The following KLF17 variants were observed in gnomAD, a reference collection of about 807,000 sequenced individuals.
KLF17 encodes the protein KLF transcription factor 17, also known as Krueppel-like factor 17.
In KLF17, 31 loss-of-function variants were observed where a neutral mutation model predicts 34.2. The observed-to-expected ratio is 0.91, with a 90% CI of 0.68 to 1.22. The LOEUF is 1.22. Ranked by LOEUF, KLF17 falls within the 50% of genes most tolerant of loss-of-function variation. The pLI is 0.00. For missense variants in KLF17, 478 were observed against 505.2 expected, an observed-to-expected ratio of 0.95 and a Z score of 0.52; for synonymous variants, 179 against 186.7, an observed-to-expected ratio of 0.96 and a Z score of 0.34.
chr1:44,065,659 T>C, the KLF17 span, among the ~76,000 whole-genome samples: 1 of 152,136 alleles, frequency 6.6e-6, no homozygotes, highest in Admixed American at 6.5e-5. Flanking sequence ...ATCCCCTGCC[T>C]TGGCCTCCCA....
At chr1:44,081,222 TAA>T in the KLF17 span, among the ~76,000 whole-genome samples, 35 of 107,788 alleles carry the variant, frequency 3.2e-4, no homozygotes, top group Admixed American at 4.9e-4. Context: ...CAAGATCCTG[TAA>T]AAAAAAAAAA....
chr1:44,075,524 C>T, the KLF17 span, among the ~76,000 whole-genome samples: 15 of 152,050 alleles, frequency 9.9e-5, no homozygotes, highest in East Asian at 1.9e-4. Context: ...ATTATTAGAC[C>T]GGGGTCTAAT....
At chr1:44,125,023 C>A (rs1256810760) in intron 1 of KLF17, among the ~76,000 whole-genome samples, 1 of 152,066 alleles carries the variant, frequency 6.6e-6, no homozygotes, top group Non-Finnish European at 1.5e-5. Context: ...TTTATGCATT[C>A]TTTTAAATCA....
At chr1:44,072,417 G>A in the KLF17 span, among the ~76,000 whole-genome samples, 1 of 152,156 alleles carries the variant, frequency 6.6e-6, no homozygotes. Context: ...TGGGCCAGCT[G>A]CAGTGGCTCA....
chr1:44,127,663 TTTC>T (rs2088033046), intron 1 of KLF17, among the ~76,000 whole-genome samples: 1 of 84,916 alleles, frequency 1.2e-5, no homozygotes, highest in Admixed American at 1.3e-4. Flanking sequence ...TCTTTCTTTC[TTTC>T]TTTCTTTCTT....
At chr1:44,072,035 G>T in the KLF17 span, among the ~76,000 whole-genome samples, 1 of 152,054 alleles carries the variant, frequency 6.6e-6, no homozygotes, top group Non-Finnish European at 1.5e-5. Context: ...AGTGATCATG[G>T]TGACTTGGAC....
rs1416341516 is a variant in KLF17, at chr1:44,133,363, C to T, written c.*126C>T. Reference sequence around the variant, plus strand: ...TTTTTTGAGCCTACAATACTGAGCGCAACAAGGCTGTGGAGACCCATGGTG... The same window carrying T: ...TTTTTTGAGCCTACAATACTGAGCGTAACAAGGCTGTGGAGACCCATGGTG... On this transcript the variant is annotated 3_prime_UTR_variant, in exon 4 of 4. Transcript: ENST00000372299. 6.6e-6 allele frequency: 1 copy of T among 152,192 alleles called. No individual in the cohort carries two copies. The highest frequency in any genetic ancestry group is 2.4e-5 in the African/African-American group (1 of 41,410). 9.4% of individuals were successfully genotyped at this position (152,192 alleles called of 1,614,324 possible). A position where few individuals can be genotyped will look rare whatever the true frequency, so the allele number is the denominator to read the frequency against.
chr1:44,081,936 A>G, the KLF17 span, among the ~76,000 whole-genome samples: 1 of 152,180 alleles, frequency 6.6e-6, no homozygotes, highest in African/African-American at 2.4e-5. Flanking sequence ...TTTTGTTGTT[A>G]CATCATCTAG....
upstream of KLF17, chr1:44,114,006 T>A (rs960220441): frequency 6.6e-6 from 1 of 152,230 alleles, no homozygotes; most frequent in Admixed American, 6.6e-5. Context: ...CAGGATGGAC[T>A]GTCAGGGGAG....
Position 44,120,199 on chromosome 1 carries a change from G to A in KLF17, c.81+1211G>A, listed in dbSNP as rs79228163. On this transcript the variant is annotated intron_variant, in intron 1 of 3. Transcript: ENST00000372299. The stretch of plus-strand genomic sequence containing the variant: ...GTGGGCAAAGATGCTAGTGAATTTT[G>A]GCCATAGTCCATTAGAAGAGCATGT... 1.1e-3 allele frequency among the ~76,000 whole-genome samples: 173 copies of A among 152,346 alleles called. 1 individual carries two copies. The East Asian group carries it at 0.019, about 17-fold the overall frequency.
the KLF17 span, among the ~76,000 whole-genome samples, chr1:44,047,234 G>A: frequency 4.6e-5 from 7 of 152,166 alleles, no homozygotes; most frequent in Non-Finnish European, 8.8e-5. Context: ...TTTGCAAAGG[G>A]TTGCCCATTT....
In KLF17 at chr1:44,129,375, T is replaced by A. The variant is rs11210969; in HGVS notation, c.104T>A (p.Ile35Asn). 434,760 of 1,517,764 alleles carry A rather than the reference T, an allele frequency of 0.29. 64,127 individuals are homozygous for A. Among genetic ancestry groups the A allele is most frequent in the Non-Finnish European group, 0.3 (338,755 of 1,133,522 alleles). 94.0% of individuals were successfully genotyped at this position (1,517,764 alleles called of 1,614,324 possible). A position where few individuals can be genotyped will look rare whatever the true frequency, so the allele number is the denominator to read the frequency against. ...AAGGATAACGAGAACTCAGCGCCCA[T>A]CTTGAACATGTCTTCATCTTCTGGA... ...AAQDNENSAP[I>N]LNMSSSSGSS... The change falls in exon 2 of 4, where the codon ATC becomes AAC. Residue 35 changes from isoleucine (I) to asparagine (N), a missense_variant. Coordinates refer to ENST00000372299, the MANE Select transcript of KLF17 (RefSeq NM_173484.4).
chr1:44,079,770 T>C, the KLF17 span, among the ~76,000 whole-genome samples: 9 of 152,260 alleles, frequency 5.9e-5, no homozygotes, highest in East Asian at 1.7e-3. Flanking sequence ...AGATAGCCAA[T>C]TGTCTGAGTG....
chr1:44,070,407 A>G, the KLF17 span, among the ~76,000 whole-genome samples: 1 of 152,012 alleles, frequency 6.6e-6, no homozygotes, highest in African/African-American at 2.4e-5. Context: ...CCACATGTAC[A>G]CATTATTTAG....
the KLF17 span, among the ~76,000 whole-genome samples, chr1:44,054,779 C>CTT: frequency 5.6e-3 from 540 of 97,194 alleles, 14 homozygotes; most frequent in African/African-American, 8.8e-3. Flanking sequence ...CCGTGCCCAG[C>CTT]TTTTTTTTTT....
In KLF17 at chr1:44,128,186, A is replaced by G. The variant is rs545986568; in HGVS notation, c.82-1167A>G. ...AACCTCTGGCTCCTGGACTCAAGTG[A>G]TTCTCCTGCCTCAGCCTCCCAAGTA... On this transcript the variant is annotated intron_variant, in intron 1 of 3. Coordinates refer to ENST00000372299, the MANE Select transcript of KLF17 (RefSeq NM_173484.4). Among the ~76,000 whole-genome samples the G allele has an allele frequency of 1.4e-4, 22 of 152,082 alleles. No homozygotes were observed. The South Asian group carries it at 4.2e-3, about 29-fold the overall frequency.
chr1:44,130,472 T>C, intron 2 of KLF17, 40 bp from the exon 3 acceptor site: 15 of 1,612,776 alleles, frequency 9.3e-6, no homozygotes, highest in Non-Finnish European at 1.3e-5. Flanking sequence ...CCTTCCTTCC[T>C]ACTGTATTCT....
intron 1 of KLF17, among the ~76,000 whole-genome samples, chr1:44,127,302 T>C (rs1479198324): frequency 6.6e-6 from 1 of 152,162 alleles, no homozygotes; most frequent in African/African-American, 2.4e-5. Flanking sequence ...AACTGTTTGT[T>C]ACAAAGTAAA....
chr1:44,111,825 A>G, the KLF17 span, among the ~76,000 whole-genome samples: 5 of 152,270 alleles, frequency 3.3e-5, no homozygotes, highest in African/African-American at 1.2e-4. Context: ...CCCTGGAGGC[A>G]GAGCTTGCAG....
Sources: gnomAD v4.1 joint callset for allele counts (sites outside exome capture counted in the v4.1 genomes callset) on GRCh38, gnomAD v4.1.1 for gene constraint, MANE v1.5 for transcripts, NCBI Gene and HGNC (gene_info 2026-07-23, HGNC 2026-07-21) for gene names.